The following ZNF730 variants were observed in gnomAD, a reference collection of about 807,000 sequenced individuals.
ZNF730 encodes the protein zinc finger protein 730.
Under a neutral mutation model 12.6 loss-of-function variants are expected in ZNF730, and 12 were observed. The observed-to-expected ratio is 0.95, with a 90% confidence interval of 0.61 to 1.54. The LOEUF is 1.54. ZNF730 is among the 40% of genes most tolerant of loss of function. ZNF730 has a pLI of 0.00. For missense variants in ZNF730, 643 were observed against 583.5 expected (o/e 1.10, Z -1.05); for synonymous variants, 194 against 195.8 (o/e 0.99, Z 0.08).
chr19:23,108,477 G>T (rs1970421520), intron 1 of ZNF730, among the ~76,000 whole-genome samples: 1 of 152,170 alleles, frequency 6.6e-6, no homozygotes, highest in Admixed American at 6.5e-5. Flanking sequence ...TTGGGATTTT[G>T]AAAAGCAGCG....
At chr19:23,096,558 A>G (rs1044655162) in intron 1 of ZNF730, among the ~76,000 whole-genome samples, 3 of 152,166 alleles carry the variant, frequency 2.0e-5, no homozygotes, top group South Asian at 2.1e-4. Flanking sequence ...GGCCCTGCCA[A>G]CTGGGGTGTT....
chr19:23,145,424 A>C lies in ZNF730; in HGVS notation c.380A>C (p.Lys127Thr). 1.3e-6 allele frequency: 2 copies of C among 1,583,936 alleles called. No homozygotes were observed. Among genetic ancestry groups the C allele is most frequent in the Non-Finnish European group, 1.7e-6 (2 of 1,165,750 alleles). Reference sequence around the variant, plus strand: ...AATGTGGATGAGTTTAAGATGCACAAAAAAGGTTATAATAGACATAACCAG... The same window carrying C: ...AATGTGGATGAGTTTAAGATGCACACAAAAGGTTATAATAGACATAACCAG... ...CKNVDEFKMH[K>T]KGYNRHNQCL... Residue 127 changes from lysine to threonine, a missense_variant, in exon 4 of 4, where the codon AAA becomes ACA. By Grantham distance (78) the Lys-to-Thr change is moderately conservative. Coordinates refer to ENST00000597761, the MANE Select transcript of ZNF730 (RefSeq NM_001277403.2).
intron 1 of ZNF730, chr19:23,127,518 G>A: frequency 2.2e-6 from 2 of 929,598 alleles, no homozygotes; most frequent in East Asian, 2.4e-5. Flanking sequence ...GGTGGTGCTG[G>A]TGGAATGATG....
Position 23,130,927 on chromosome 19 carries a change from A to G in ZNF730, c.4-3153A>G, listed in dbSNP as rs116264049. Among the ~76,000 whole-genome samples, 1,119 of 152,314 alleles carry G rather than the reference A, an allele frequency of 7.3e-3. 8 individuals are homozygous for G. The highest frequency in any genetic ancestry group is 0.024 in the African/African-American group (1,017 of 41,560). ...CCTACCCTGGAGTCTCATCTCACAGAACTGATTAGAAAAGATCAGTTTTGG... is the reference window on the plus strand; with the variant it reads ...CCTACCCTGGAGTCTCATCTCACAGGACTGATTAGAAAAGATCAGTTTTGG... On this transcript the variant is annotated intron_variant, in intron 1 of 3. Coordinates refer to ENST00000597761, the MANE Select transcript of ZNF730 (RefSeq NM_001277403.2).
intron 1 of ZNF730, among the ~76,000 whole-genome samples, chr19:23,101,943 A>G (rs1353712882): frequency 6.6e-6 from 1 of 152,028 alleles, no homozygotes; most frequent in Non-Finnish European, 1.5e-5. Flanking sequence ...ATTGTGACAT[A>G]TTTCTAAGCC....
chr19:23,093,535 C>T (rs749385260), intron 1 of ZNF730, among the ~76,000 whole-genome samples: 1 of 152,212 alleles, frequency 6.6e-6, no homozygotes, highest in Non-Finnish European at 1.5e-5. Context: ...GCTTCCCCCC[C>T]TCATTCTTGG....
intron 1 of ZNF730, chr19:23,126,712 G>T: frequency 4.2e-6 from 2 of 470,656 alleles, no homozygotes; most frequent in Non-Finnish European, 8.3e-6. Flanking sequence ...AAATCTATAA[G>T]TTCTTGTTTT....
At chr19:23,107,040 A>G (rs569064597) in intron 1 of ZNF730, among the ~76,000 whole-genome samples, 1 of 150,688 alleles carries the variant, frequency 6.6e-6, no homozygotes, top group South Asian at 2.1e-4. Flanking sequence ...AGAATAAATG[A>G]TGTGATGCTG....
intron 1 of ZNF730, among the ~76,000 whole-genome samples, chr19:23,104,221 G>A (rs1014001244): frequency 8.7e-5 from 13 of 149,906 alleles, no homozygotes. Flanking sequence ...AGAATCGCTT[G>A]AACCTGGGAG....
rs1468016209 is a variant in ZNF730, at chr19:23,145,649, A to C, written c.605A>C (p.Lys202Thr). 1 of 1,554,574 alleles carries C rather than the reference A, an allele frequency of 6.4e-7. No homozygotes were observed. Among genetic ancestry groups the C allele is most frequent in the East Asian group, 2.4e-5 (1 of 41,834 alleles). ...KKIHTGEKSY[K>T]CEEYGKAFNE... ...ATTCATACTGGAGAGAAATCCTACA[A>C]ATGTGAAGAATATGGCAAAGCCTTT... The change falls in exon 4 of 4, where the codon AAA becomes ACA. Residue 202 changes from lysine to threonine, a missense_variant. Transcript: ENST00000597761.
rs191758007 is a variant in ZNF730 at position 23,104,398 on chromosome 19, G to C, written c.-94+29011G>C. Among the ~76,000 whole-genome samples the C allele has an allele frequency of 8.6e-5, 13 of 151,570 alleles. No individual in the cohort carries two copies. The East Asian group carries it at 2.5e-3, about 30-fold the overall frequency. On this transcript the variant is annotated intron_variant, in intron 1 of 2. Coordinates refer to the ZNF730 transcript ENST00000593635. ...GAGTTAAGTAAATGGACTGCACTCA[G>C]AAAACTAAAGCAACCTTTTTGACTT...
chr19:23,128,613 A>T (rs530154237), intron 1 of ZNF730: 1 of 173,348 alleles, frequency 5.8e-6, no homozygotes, highest in Non-Finnish European at 1.2e-5. Flanking sequence ...ATTTTAAAAA[A>T]ATTAAATTTA....
chr19:23,078,115 C>T (rs1969898788), intron 1 of ZNF730, among the ~76,000 whole-genome samples: 2 of 152,098 alleles, frequency 1.3e-5, no homozygotes, highest in African/African-American at 2.4e-5. Flanking sequence ...GATATGGCCT[C>T]ATGGGAAGGG....
At chr19:23,098,513 T>C (rs1970289259) in intron 1 of ZNF730, 1 of 152,228 alleles carries the variant, frequency 6.6e-6, no homozygotes, top group Non-Finnish European at 1.5e-5. Context: ...GCCTCAGCCC[T>C]GTCCACAGGG....
chr19:23,141,017 T>C (rs563570135), intron 3 of ZNF730, among the ~76,000 whole-genome samples: 4 of 152,202 alleles, frequency 2.6e-5, no homozygotes, highest in East Asian at 1.9e-4. Context: ...AATCCCTGGA[T>C]ATTAGGAGGC....
At chr19:23,117,284 G>A (rs1470168071) in intron 1 of ZNF730, 108 bp downstream of exon 1, 4 of 1,589,936 alleles carry the variant, frequency 2.5e-6, no homozygotes, top group African/African-American at 1.3e-5. Flanking sequence ...TTCACAATCT[G>A]CGCCCAGAGT....
At chr19:23,083,827 A>G (rs1970010795) in intron 1 of ZNF730, among the ~76,000 whole-genome samples, 1 of 152,030 alleles carries the variant, frequency 6.6e-6, no homozygotes, top group South Asian at 2.1e-4. Flanking sequence ...ATTCCTTGTC[A>G]TATGTATAGT....
chr19:23,107,654 G>T (rs1287402431), intron 1 of ZNF730, among the ~76,000 whole-genome samples: 1 of 152,038 alleles, frequency 6.6e-6, no homozygotes, highest in Non-Finnish European at 1.5e-5. Flanking sequence ...ATGAATTAAT[G>T]ATTTCCACGT....
intron 1 of ZNF730, chr19:23,127,895 G>A (rs1361232929): frequency 1.6e-5 from 11 of 670,680 alleles, no homozygotes; most frequent in Non-Finnish European, 2.4e-5. Flanking sequence ...GCATATGCTC[G>A]TAAACTGCCA....
Sources: allele counts gnomAD v4.1 joint callset (sites outside exome capture counted in the v4.1 genomes callset), GRCh38; gene constraint gnomAD v4.1.1; transcripts MANE v1.5; gene names NCBI Gene and HGNC (gene_info 2026-07-23, HGNC 2026-07-21).